Variants in DDX18 observed in about 807,000 individuals in gnomAD.
DDX18 encodes ATP-dependent RNA helicase DDX18.
Under a neutral mutation model 73.5 loss-of-function variants are expected in DDX18, and 23 were observed. The observed-to-expected ratio is 0.31, with a 90% CI of 0.23 to 0.44. DDX18 has a LOEUF of 0.44. Ranked by LOEUF, DDX18 falls within the 20% of genes least tolerant of loss-of-function variation. The probability of loss-of-function intolerance (pLI) is 1.00; values close to 1 mark genes in which losing one functional copy is unlikely to be tolerated. For missense variants in DDX18, 753 were observed against 792.9 expected, an observed-to-expected ratio of 0.95 and a Z score of 0.60; for synonymous variants, 268 against 282.7, an observed-to-expected ratio of 0.95 and a Z score of 0.52.
At position 117,828,967 on chromosome 2, in the gene DDX18, G is replaced by T; in HGVS notation, c.1654G>T (p.Asp552Tyr). ...KQSKVPLSEFDFSWSKISDIQ... is the reference protein window; with the variant it reads ...KQSKVPLSEFYFSWSKISDIQ... ...TTTCTAGGTTCCATTAAGTGAATTT[G>T]ACTTTTCCTGGTCTAAAATTTCTGA... The change falls in exon 12 of 14, where the codon GAC becomes TAC. Residue 552 changes from aspartate to tyrosine, a missense_variant. Asp to Tyr is a radical substitution (Grantham distance 160). Transcript: ENST00000263239. 1.2e-6 allele frequency: 2 copies of T among 1,611,920 alleles called. No individual in the cohort carries two copies. Among genetic ancestry groups the T allele is most frequent in the South Asian group, 2.2e-5 (2 of 90,924 alleles).
At chr2:117,817,876 A>G (rs1679785726) in intron 2 of DDX18, 148 bp downstream of exon 2, 1 of 754,472 alleles carries the variant, frequency 1.3e-6, no homozygotes, top group Non-Finnish European at 2.0e-6. Context: ...TAATGGAAAC[A>G]TTTTATTGGC....
intron 7 of DDX18, chr2:117,824,257 A>G (rs58293407): frequency 0.32 from 61,556 of 190,782 alleles, 11,901 homozygotes; most frequent in East Asian, 0.55. Flanking sequence ...AATGGAATCC[A>G]TTTGGGCCTG....
intron 2 of DDX18, 50 bp downstream of exon 2, chr2:117,817,778 G>T: frequency 1.3e-6 from 2 of 1,531,452 alleles, no homozygotes; most frequent in South Asian, 1.3e-5. Context: ...TTCACAGACG[G>T]TTATTGTTCC....
chr2:117,826,448 C>T, intron 11 of DDX18, 66 bp downstream of exon 11: 3 of 1,463,360 alleles, frequency 2.1e-6, no homozygotes, highest in Non-Finnish European at 2.8e-6. Flanking sequence ...AACATTTCTA[C>T]ATGTGTCAGA....
chr2:117,830,712 G>C lies in DDX18; in HGVS notation c.2001G>C (p.Gln667His), dbSNP rs1309233057. The C allele has an allele frequency of 5.0e-6, 8 of 1,613,368 alleles. No individual in the cohort carries two copies. In the Admixed American group the frequency reaches 5.0e-5, roughly 10 times the overall value. The change falls in exon 14 of 14, where the codon CAG becomes CAC. Residue 667 changes from glutamine to histidine, a missense_variant. Around this residue, in one of 3 missense-constraint regions of DDX18, gnomAD observed 402 missense variants for 419.4 expected, o/e 0.96. Transcript: ENST00000263239. ...HISKKSSDSR[Q>H]FSH The stretch of plus-strand genomic sequence containing the variant: ...GCAAGAAATCATCTGACAGCAGGCA[G>C]TTCTCTCACTGAACACATGCCTTCC...
At chr2:117,821,129 A>G (rs1558732613) in intron 3 of DDX18, 32 bp from the exon 4 acceptor site, 1 of 1,495,304 alleles carries the variant, frequency 6.7e-7, no homozygotes, top group Non-Finnish European at 8.9e-7. Context: ...AAAAAAGATA[A>G]ATTTGCTAAT....
In DDX18 at chr2:117,829,457, G is replaced by A. The variant is rs372688689; in HGVS notation, c.1861G>A (p.Val621Ile). ...ATTTGGTTTCAAGGTGCCTCCCTTC[G>A]TTGATCTGAGTATCCTTTTCTTTAA... Reference protein sequence around the residue: ...LSFGFKVPPFVDLNVNSNEGK... With the variant: ...LSFGFKVPPFIDLNVNSNEGK... Residue 621 changes from valine to isoleucine, a missense_variant, in exon 13 of 14, where the codon GTT (valine) becomes ATT (isoleucine). Transcript: ENST00000263239. 106 of 1,608,188 alleles carry A rather than the reference G, an allele frequency of 6.6e-5. No homozygotes were observed. Among genetic ancestry groups the A allele is most frequent in the Non-Finnish European group, 7.8e-5 (92 of 1,178,460 alleles).
intron 7 of DDX18, chr2:117,824,274 T>G (rs1679888966): frequency 4.7e-6 from 1 of 210,658 alleles, no homozygotes; most frequent in Non-Finnish European, 9.3e-6. Flanking sequence ...CCTGGAATTT[T>G]CTTTACATGA....
At chr2:117,819,612 G>T in intron 2 of DDX18, 37 bp from the exon 3 acceptor site, 1 of 1,512,818 alleles carries the variant, frequency 6.6e-7, no homozygotes, top group South Asian at 1.3e-5. Context: ...CTATTTTAAG[G>T]AAAAATTTTT....
intron 11 of DDX18, 101 bp downstream of exon 11, chr2:117,826,483 G>A (rs2104625666): frequency 1.9e-6 from 2 of 1,060,038 alleles, no homozygotes; most frequent in Non-Finnish European, 2.8e-6. Context: ...GGCCAGTGCT[G>A]TTACAACCAT....
chr2:117,823,630 C>T (rs984647751), intron 7 of DDX18, among the ~76,000 whole-genome samples: 2 of 152,134 alleles, frequency 1.3e-5, no homozygotes, highest in African/African-American at 4.8e-5. Flanking sequence ...AGTTTCACCT[C>T]TTTATTTAAT....
In DDX18 at chr2:117,817,457, G is replaced by T; in HGVS notation, c.99G>T (p.Leu33=). 3 of 1,608,182 alleles carry T rather than the reference G, an allele frequency of 1.9e-6. No homozygotes were observed. In the South Asian group the frequency reaches 3.3e-5, roughly 18 times the overall value. The change falls in exon 2 of 14, where the codon CTG becomes CTT. Residue 33 remains leucine, a synonymous_variant. Transcript: ENST00000263239. Reference sequence around the variant, plus strand: ...TTATTTAAACAGGGGCCTCAAATCTGACCCTATCGGAAACTCAAAATGGAG... The same window carrying T: ...TTATTTAAACAGGGGCCTCAAATCTTACCCTATCGGAAACTCAAAATGGAG... ...RNLKFQGASN[L]TLSETQNGDV... is the part of the protein sequence containing the mutation.
At position 117,819,553 on chromosome 2, in the gene DDX18, A is replaced by G. The variant is rs1303052530; in HGVS notation, c.371-96A>G. The G allele has an allele frequency of 2.6e-6, 3 of 1,151,186 alleles. No homozygotes were observed. In the East Asian group the frequency reaches 8.2e-5, roughly 31 times the overall value. 71.3% of individuals were successfully genotyped at this position (1,151,186 alleles called of 1,614,324 possible). A position where few individuals can be genotyped will look rare whatever the true frequency, so the allele number is the denominator to read the frequency against. On this transcript the variant is annotated intron_variant, in intron 2 of 13. Coordinates refer to ENST00000263239, the MANE Select transcript of DDX18 (RefSeq NM_006773.4). ...CAGCATATACTTAGCTTTTGAAAATATACGTCTTTATATCAGAGATCTTCT... is the reference window on the plus strand; with the variant it reads ...CAGCATATACTTAGCTTTTGAAAATGTACGTCTTTATATCAGAGATCTTCT...
chr2:117,819,118 A>G lies in DDX18; in HGVS notation c.371-531A>G, dbSNP rs149639123. ...AAAGAGAAGTGAGAGGTAGGACTGA[A>G]AAGGTAGTTGGGGCCACATGAAAGT... On this transcript the variant is annotated intron_variant, in intron 2 of 13. Coordinates refer to ENST00000263239, the MANE Select transcript of DDX18 (RefSeq NM_006773.4). 5.9e-3 allele frequency among the ~76,000 whole-genome samples: 895 copies of G among 152,280 alleles called. 10 individuals carry two copies. The highest frequency in any genetic ancestry group is 0.021 in the African/African-American group (862 of 41,550).
In DDX18 at chr2:117,828,945, C is replaced by G. The variant is rs370320551; in HGVS notation, c.1636-4C>G. 7 of 1,596,196 alleles carry G rather than the reference C, an allele frequency of 4.4e-6. No individual in the cohort carries two copies. The highest frequency in any genetic ancestry group is 6.0e-6 in the Non-Finnish European group (7 of 1,164,282). On this transcript the variant is annotated splice_region_variant and splice_polypyrimidine_tract_variant and intron_variant, in intron 11 of 13. Coordinates refer to ENST00000263239, the MANE Select transcript of DDX18 (RefSeq NM_006773.4). Reference sequence around the variant, plus strand: ...TTACTAATCTTAATACTTTTGATTTCTAGGTTCCATTAAGTGAATTTGACT... The same window carrying G: ...TTACTAATCTTAATACTTTTGATTTGTAGGTTCCATTAAGTGAATTTGACT...
chr2:117,818,666 T>C (rs1450771026), intron 2 of DDX18, among the ~76,000 whole-genome samples: 1 of 152,060 alleles, frequency 6.6e-6, no homozygotes, highest in African/African-American at 2.4e-5. Context: ...TTTAACCTTA[T>C]GGGTTTTTTG....
chr2:117,814,806 G>C lies in DDX18; in HGVS notation c.29G>C (p.Arg10Pro). 1 of 1,614,204 alleles carries C rather than the reference G, an allele frequency of 6.2e-7. No homozygotes were observed. The highest frequency in any genetic ancestry group is 1.1e-5 in the South Asian group (1 of 91,080). Residue 10 changes from arginine to proline, a missense_variant, in exon 1 of 14, where the codon CGT becomes CCT. Physicochemically the swap from Arg to Pro is moderately radical, Grantham distance 103. This residue lies in a region of DDX18 where 345 missense variants were observed against 352.0 expected (regional missense o/e 0.98). Coordinates refer to ENST00000263239, the MANE Select transcript of DDX18 (RefSeq NM_006773.4). MSHLPMKLL[R>P]KKIEKRNLKL... ...TCACACCTGCCGATGAAACTCCTGC[G>C]TAAGAAGATCGAGAAGCGGAACCTC...
At chr2:117,815,315 G>C (rs540200767) in intron 1 of DDX18, among the ~76,000 whole-genome samples, 1 of 152,238 alleles carries the variant, frequency 6.6e-6, no homozygotes, top group African/African-American at 2.4e-5. Context: ...TTTCCACAGA[G>C]CTTCTTTGAT....
At chr2:117,819,579 G>T in intron 2 of DDX18, 70 bp from the exon 3 acceptor site, 1 of 1,282,236 alleles carries the variant, frequency 7.8e-7, no homozygotes, top group Non-Finnish European at 1.0e-6. Context: ...GAGATCTTCT[G>T]TTTGTTGATC....
Sources: allele counts gnomAD v4.1 joint callset (sites outside exome capture counted in the v4.1 genomes callset), GRCh38; gene constraint gnomAD v4.1.1; regional missense constraint gnomAD v4.1.1; transcripts MANE v1.5; gene names NCBI Gene and HGNC (gene_info 2026-07-23, HGNC 2026-07-21).